TRAPPC11: variants seen among roughly 807,000 people sequenced by gnomAD.
TRAPPC11 encodes the protein foie gras homolog.
In TRAPPC11, 104 loss-of-function variants were observed where a neutral mutation model predicts 151.2. The ratio of observed to expected loss-of-function variants is 0.69; its 90% CI spans 0.59 to 0.81. TRAPPC11 has a LOEUF of 0.81. Ranked by LOEUF, TRAPPC11 falls within the 30% of genes least tolerant of loss-of-function variation. TRAPPC11 has a pLI of 0.00. For missense variants in TRAPPC11, 1,230 were observed against 1,349.6 expected (o/e 0.91, Z 1.39); for synonymous variants, 456 against 472.3 (o/e 0.97, Z 0.45).
chr4:183,683,019 T>C (rs1234399846), intron 11 of TRAPPC11, among the ~76,000 whole-genome samples, 194 bp downstream of exon 11: 1 of 152,232 alleles, frequency 6.6e-6, no homozygotes, highest in Non-Finnish European at 1.5e-5. Context: ...TTAAAGTTGC[T>C]GTTGTGATTA....
chr4:183,695,522 A>G (rs929541903), intron 23 of TRAPPC11, among the ~76,000 whole-genome samples: 4 of 152,178 alleles, frequency 2.6e-5, no homozygotes, highest in East Asian at 3.9e-4. Flanking sequence ...TTCTATTTCT[A>G]GAGATTTTTA....
At chr4:183,672,971 T>G (rs1299365519) in intron 5 of TRAPPC11, among the ~76,000 whole-genome samples, 2 of 150,748 alleles carry the variant, frequency 1.3e-5, no homozygotes, top group African/African-American at 4.9e-5. Context: ...TTTTTTTTTT[T>G]TTTTTTTTTG....
chr4:183,708,035 T>C (rs1218032723), intron 28 of TRAPPC11, among the ~76,000 whole-genome samples: 2 of 152,204 alleles, frequency 1.3e-5, no homozygotes, highest in Non-Finnish European at 2.9e-5. Flanking sequence ...TGTCTACAAG[T>C]AGATACTCTT....
At chr4:183,670,930 C>T (rs1199416744) in intron 5 of TRAPPC11, among the ~76,000 whole-genome samples, 3 of 152,194 alleles carry the variant, frequency 2.0e-5, no homozygotes, top group East Asian at 1.9e-4. Flanking sequence ...AGATTACAGG[C>T]AATCTTGGCC....
intron 5 of TRAPPC11, among the ~76,000 whole-genome samples, chr4:183,672,867 T>C (rs890226654): frequency 6.6e-6 from 1 of 152,210 alleles, no homozygotes; most frequent in Middle Eastern, 3.2e-3. Context: ...TTTGTTTTTG[T>C]TTTTTGAATC....
At chr4:183,695,697 A>G (rs1265468631) in intron 23 of TRAPPC11, among the ~76,000 whole-genome samples, 2 of 152,174 alleles carry the variant, frequency 1.3e-5, no homozygotes, top group Non-Finnish European at 2.9e-5. Context: ...GAGAAGGCCT[A>G]TAGCAATTTG....
At chr4:183,704,414 G>A (rs375169141) in intron 26 of TRAPPC11, among the ~76,000 whole-genome samples, 44 of 151,996 alleles carry the variant, frequency 2.9e-4, no homozygotes, top group East Asian at 1.9e-3. Context: ...CCAGCTACTC[G>A]GGAGGCTGAG....
chr4:183,693,131 A>G lies in TRAPPC11; in HGVS notation c.2221A>G (p.Ile741Val). The change falls in exon 20 of 30, where the codon ATT becomes GTT. Residue 741 changes from isoleucine to valine, a missense_variant. Ile to Val is a conservative substitution (Grantham distance 29). Transcript: ENST00000334690. ...DNEVHWDSIIIQASTMIISRV... is the reference protein window; with the variant it reads ...DNEVHWDSIIVQASTMIISRV... ...TGAAGTTCACTGGGACAGCATTATA[A>G]TTCAGGCAAGCACAATGTAAGTCTG... 1.2e-6 allele frequency: 2 copies of G among 1,605,108 alleles called. No individual in the cohort carries two copies. The highest frequency in any genetic ancestry group is 1.7e-6 in the Non-Finnish European group (2 of 1,174,222).
intron 11 of TRAPPC11, among the ~76,000 whole-genome samples, chr4:183,683,626 A>C (rs1346833614): frequency 1.3e-5 from 2 of 152,198 alleles, no homozygotes; most frequent in Non-Finnish European, 2.9e-5. Context: ...GTACCGCTGC[A>C]CTCCAGCCTG....
intron 1 of TRAPPC11, among the ~76,000 whole-genome samples, chr4:183,660,011 T>G (rs1734388618): frequency 6.6e-6 from 1 of 152,234 alleles, no homozygotes; most frequent in African/African-American, 2.4e-5. Context: ...TTACTTGATC[T>G]CCCATCCATT....
At chr4:183,674,432 A>G (rs1432615250) in intron 5 of TRAPPC11, among the ~76,000 whole-genome samples, 1 of 151,560 alleles carries the variant, frequency 6.6e-6, no homozygotes, top group Non-Finnish European at 1.5e-5. Flanking sequence ...AAAAAAAAAA[A>G]AAAAAAAAAA....
intron 8 of TRAPPC11, 91 bp from the exon 9 acceptor site, chr4:183,679,262 T>G (rs1735556460): frequency 8.0e-7 from 1 of 1,249,538 alleles, no homozygotes; most frequent in Non-Finnish European, 1.1e-6. Flanking sequence ...ATTGTCTTTT[T>G]CTAATGTTAT....
At chr4:183,704,729 T>C (rs1261195615) in intron 26 of TRAPPC11, among the ~76,000 whole-genome samples, 1 of 151,826 alleles carries the variant, frequency 6.6e-6, no homozygotes, top group Non-Finnish European at 1.5e-5. Flanking sequence ...AGGAGAATGG[T>C]GTAAACCTGG....
rs778259388 is a variant in TRAPPC11 at position 183,706,942 on chromosome 4, T to C, written c.3189+2T>C. The C allele has an allele frequency of 6.2e-7, 1 of 1,613,854 alleles. No individual in the cohort carries two copies. Among genetic ancestry groups the C allele is most frequent in the Non-Finnish European group, 8.5e-7 (1 of 1,179,916 alleles). ...TTCATGTTCTCAGGTCTCAAACAGG[T>C]ACAGGTCATATCTTGTGATGCTTAT... On this transcript the variant is annotated splice_donor_variant, in intron 28 of 29. Coordinates refer to ENST00000334690, the MANE Select transcript of TRAPPC11 (RefSeq NM_021942.6). LOFTEE classifies it high-confidence loss of function.
At chr4:183,693,767 G>GTA in intron 21 of TRAPPC11, 30 bp downstream of exon 21, 1 of 1,608,668 alleles carries the variant, frequency 6.2e-7, no homozygotes, top group Non-Finnish European at 8.5e-7. Flanking sequence ...AGTTTGATCA[G>GTA]TATTAATCCA....
intron 2 of TRAPPC11, among the ~76,000 whole-genome samples, chr4:183,665,929 C>CTTT (rs11462767): frequency 9.4e-5 from 13 of 137,888 alleles, no homozygotes; most frequent in Admixed American, 2.2e-4. Flanking sequence ...AAATGGGCTA[C>CTTT]TTTTTTTTTT....
At chr4:183,706,999 G>A in intron 28 of TRAPPC11, 59 bp downstream of exon 28, 1 of 1,582,884 alleles carries the variant, frequency 6.3e-7, no homozygotes, top group Non-Finnish European at 8.6e-7. Context: ...GAAACGGAGA[G>A]CTGTACCTTT....
At chr4:183,685,562 A>G (rs1408709501) in intron 17 of TRAPPC11, among the ~76,000 whole-genome samples, 159 bp downstream of exon 17, 2 of 152,326 alleles carry the variant, frequency 1.3e-5, no homozygotes, top group South Asian at 2.1e-4. Context: ...TCAGTGACTT[A>G]CAAAGGTAGT....
rs575470357 is a variant in TRAPPC11, at chr4:183,681,833, CTG to C, written c.1114-896_1114-895del. 5.9e-4 allele frequency among the ~76,000 whole-genome samples: 90 copies of C among 151,470 alleles called. 1 individual carries two copies. The highest frequency in any genetic ancestry group is 1.9e-3 in the African/African-American group (78 of 41,294). On this transcript the variant is annotated intron_variant, in intron 10 of 29. Transcript: ENST00000334690. Reference sequence around the variant, plus strand: ...AATAATAATTTGAGAAGCTTTAAAACTGTGCATATCTTTTGACCTAGAATTTA... The same window carrying C: ...AATAATAATTTGAGAAGCTTTAAAACTGCATATCTTTTGACCTAGAATTTA...
Sources: allele counts gnomAD v4.1 joint callset (sites outside exome capture counted in the v4.1 genomes callset), GRCh38; gene constraint gnomAD v4.1.1; transcripts MANE v1.5; gene names NCBI Gene and HGNC (gene_info 2026-07-23, HGNC 2026-07-21).